Variants in PID1 observed in about 807,000 individuals in gnomAD.
PID1 encodes the protein phosphotyrosine interaction domain containing 1, also known as PTB-containing, cubilin and LRP1-interacting protein.
PID1 carries 10 observed loss-of-function variants against 19.1 expected under a neutral mutation model. The ratio of observed to expected loss-of-function variants is 0.52; its 90% CI spans 0.32 to 0.89. The LOEUF (loss-of-function observed/expected upper bound fraction) is 0.89, where lower values mean the gene tolerates loss of function less well. Among genes scored for constraint, PID1 ranks in the 40% least tolerant of loss-of-function variants. The pLI is 0.03. For missense variants in PID1, 248 were observed against 285.3 expected (o/e 0.87, Z 0.94); for synonymous variants, 130 against 116.0 (o/e 1.12, Z -0.78).
At chr2:229,125,901 T>C (rs1695612996) in intron 2 of PID1, among the ~76,000 whole-genome samples, 1 of 152,282 alleles carries the variant, frequency 6.6e-6, no homozygotes, top group East Asian at 1.9e-4. Context: ...ATATGAAGCT[T>C]CTGTTTCTCG....
At chr2:229,077,936 C>T (rs889899204) in intron 2 of PID1, among the ~76,000 whole-genome samples, 3 of 152,198 alleles carry the variant, frequency 2.0e-5, no homozygotes, top group African/African-American at 7.2e-5. Context: ...TCAATGGTAG[C>T]TTGATGGGAA....
At chr2:229,086,412 C>T (rs1694767821) in intron 2 of PID1, among the ~76,000 whole-genome samples, 2 of 152,048 alleles carry the variant, frequency 1.3e-5, no homozygotes, top group Admixed American at 1.3e-4. Flanking sequence ...GAATACTATA[C>T]AGAAAGTGAA....
Position 229,199,157 on chromosome 2 carries a change from T to C in PID1, c.31-43193A>G, listed in dbSNP as rs553684676. Among the ~76,000 whole-genome samples the C allele has an allele frequency of 7.6e-4, 116 of 152,118 alleles. 1 individual carries two copies. The highest frequency in any genetic ancestry group is 6.8e-3 in the Middle Eastern group (2 of 294). On this transcript the variant is annotated intron_variant, in intron 1 of 2. Coordinates refer to ENST00000392055, the MANE Select transcript of PID1 (RefSeq NM_001100818.2). ...ATGTAACCCCCACCCCAAATATGCC[T>C]GAGACAACCTCCTTATCATCATCCA...
chr2:229,143,307 T>G (rs1035508898), intron 2 of PID1, among the ~76,000 whole-genome samples: 2 of 151,602 alleles, frequency 1.3e-5, no homozygotes, highest in Admixed American at 6.6e-5. Flanking sequence ...GTAACTAACC[T>G]GCACATTGTG....
In PID1 at chr2:229,127,865, ATCTG is replaced by A. The variant is rs574050176; in HGVS notation, c.177+27949_177+27952del. ...ACAGTGCCTGTCTGTAGGTGTTCCT[ATCTG>A]TCTGTCTGTCTCTCTCTCTCAGGCA... On this transcript the variant is annotated intron_variant, in intron 2 of 2. Transcript: ENST00000392055. Among the ~76,000 whole-genome samples the A allele has an allele frequency of 1.1e-4, 16 of 152,310 alleles. No individual in the cohort carries two copies. The East Asian group carries it at 2.5e-3, about 24-fold the overall frequency.
At chr2:229,234,081 T>C (rs566987903) in intron 1 of PID1, among the ~76,000 whole-genome samples, 1 of 152,294 alleles carries the variant, frequency 6.6e-6, no homozygotes, top group African/African-American at 2.4e-5. Flanking sequence ...GGCCAGCATG[T>C]TGACCAGAGT....
intron 1 of PID1, among the ~76,000 whole-genome samples, chr2:229,263,222 A>G (rs7569795): frequency 0.21 from 32,349 of 152,164 alleles, 4,088 homozygotes; most frequent in Non-Finnish European, 0.29. Context: ...AACTTTTGTT[A>G]GGAGGTAGGT....
intron 1 of PID1, among the ~76,000 whole-genome samples, chr2:229,229,303 T>C (rs1052179699): frequency 3.3e-5 from 5 of 152,196 alleles, no homozygotes; most frequent in African/African-American, 4.8e-5. Flanking sequence ...AAACTCCACA[T>C]TGCAATGCAT....
At chr2:229,187,763 G>A (rs148037551) in intron 1 of PID1, among the ~76,000 whole-genome samples, 12 of 152,020 alleles carry the variant, frequency 7.9e-5, no homozygotes, top group Non-Finnish European at 1.3e-4. Context: ...ATCCTCTTTC[G>A]AATCCACACC....
intron 2 of PID1, among the ~76,000 whole-genome samples, chr2:229,121,132 G>T (rs943710763): frequency 2.7e-4 from 41 of 152,172 alleles, no homozygotes; most frequent in African/African-American, 9.6e-4. Flanking sequence ...ATGATATATT[G>T]TATTGGTTAT....
chr2:229,161,046 T>A (rs1474762364), intron 1 of PID1, among the ~76,000 whole-genome samples: 1 of 152,176 alleles, frequency 6.6e-6, no homozygotes, highest in Non-Finnish European at 1.5e-5. Flanking sequence ...CACTGAATAA[T>A]GTCATTGCCC....
chr2:229,258,890 G>GCC (rs1690380814), intron 1 of PID1, among the ~76,000 whole-genome samples: 1 of 144,380 alleles, frequency 6.9e-6, no homozygotes, highest in Admixed American at 6.9e-5. Context: ...AAAAGATGTT[G>GCC]AACAAATCCG....
intron 2 of PID1, among the ~76,000 whole-genome samples, chr2:229,152,714 G>A (rs1355351465): frequency 1.3e-5 from 2 of 151,234 alleles, no homozygotes; most frequent in Non-Finnish European, 2.9e-5. Flanking sequence ...CCAGCTGCCC[G>A]AAACATGAAT....
At chr2:229,251,493 T>C (rs1257292627) in intron 1 of PID1, among the ~76,000 whole-genome samples, 1 of 152,186 alleles carries the variant, frequency 6.6e-6, no homozygotes, top group African/African-American at 2.4e-5. Flanking sequence ...GCCTTTCATT[T>C]TGGCCAAACT....
chr2:229,177,275 C>T (rs553376452), intron 1 of PID1, among the ~76,000 whole-genome samples: 1 of 152,234 alleles, frequency 6.6e-6, no homozygotes, highest in South Asian at 2.1e-4. Flanking sequence ...TCCCAAGCCC[C>T]AGTTTGTTCA....
At chr2:229,258,752 C>G (rs2106289734) in intron 1 of PID1, among the ~76,000 whole-genome samples, 1 of 151,440 alleles carries the variant, frequency 6.6e-6, no homozygotes, top group African/African-American at 2.4e-5. Flanking sequence ...GTCCCAGCTA[C>G]TCGGGAGGCT....
rs1317812820 is a variant in PID1, at chr2:229,031,096, G to A, written c.178-4988C>T. ...CCGGGTGTGGTGGCAGACACCTGTA[G>A]TCCCAGCTACTGGGGAGGCTGAGGC... On this transcript the variant is annotated intron_variant, in intron 2 of 2. Transcript: ENST00000392055. Among the ~76,000 whole-genome samples the A allele has an allele frequency of 1.3e-4, 20 of 150,656 alleles. No individual in the cohort carries two copies. The East Asian group carries it at 3.4e-3, about 25-fold the overall frequency.
chr2:229,028,718 C>T (rs779799364), intron 2 of PID1, among the ~76,000 whole-genome samples: 5 of 152,186 alleles, frequency 3.3e-5, no homozygotes, highest in Admixed American at 6.5e-5. Context: ...TTTGCGACAA[C>T]ATGGACATAG....
intron 2 of PID1, among the ~76,000 whole-genome samples, chr2:229,128,088 T>G (rs1361203509): frequency 1.3e-5 from 2 of 151,528 alleles, no homozygotes; most frequent in African/African-American, 4.9e-5. Flanking sequence ...CCTTACGAGA[T>G]TTTAGGGGGA....
Sources: gnomAD v4.1 joint callset for allele counts (sites outside exome capture counted in the v4.1 genomes callset) on GRCh38, gnomAD v4.1.1 for gene constraint, MANE v1.5 for transcripts, NCBI Gene and HGNC (gene_info 2026-07-23, HGNC 2026-07-21) for gene names.